The following OPHN1 variants were observed in gnomAD, a reference collection of about 807,000 sequenced individuals.
The protein encoded by OPHN1 is oligophrenin 1, also known as oligophrenin-1.
Under a neutral mutation model 60.7 loss-of-function variants are expected in OPHN1, and 11 were observed. The observed-to-expected ratio is 0.18, with a 90% CI of 0.11 to 0.30. The LOEUF (loss-of-function observed/expected upper bound fraction) is 0.30. Among genes scored for constraint, OPHN1 ranks in the 10% least tolerant of loss-of-function variants. The probability of loss-of-function intolerance (pLI) is 1.00; values close to 1 mark genes in which losing one functional copy is unlikely to be tolerated. For synonymous variants in OPHN1, 226 were observed against 222.6 expected, an observed-to-expected ratio of 1.02 and a Z score of -0.14; for missense variants, 449 against 611.0, an observed-to-expected ratio of 0.73 and a Z score of 2.80.
chrX:68,428,339 T>G (rs1160930954), intron 2 of OPHN1, among the ~76,000 whole-genome samples: 2 of 112,319 alleles, frequency 1.8e-5, no homozygotes, highest in Non-Finnish European at 3.8e-5. Flanking sequence ...TGTTATTAAT[T>G]CTACCCAACT....
intron 3 of OPHN1, among the ~76,000 whole-genome samples, chrX:68,286,752 A>T (rs2078042761): frequency 9.0e-6 from 1 of 111,671 alleles, no homozygotes; most frequent in African/African-American, 3.3e-5. Flanking sequence ...GTGGTGGCTC[A>T]CACCTGTAAT....
chrX:68,152,553 C>A (rs976919117), intron 15 of OPHN1, among the ~76,000 whole-genome samples: 1 of 109,314 alleles, frequency 9.1e-6, no homozygotes, highest in Non-Finnish European at 1.9e-5. Context: ...AGGTGATCCT[C>A]CCACCTCAGA....
chrX:68,340,455 G>A (rs986141663), intron 2 of OPHN1, among the ~76,000 whole-genome samples: 1 of 111,891 alleles, frequency 8.9e-6, no homozygotes, highest in African/African-American at 3.2e-5. Context: ...ACAATTCAGT[G>A]GAGAGAGAAC....
At chrX:68,208,840 G>C (rs1470624255) in intron 9 of OPHN1, among the ~76,000 whole-genome samples, 2 of 111,741 alleles carry the variant, frequency 1.8e-5, no homozygotes, top group African/African-American at 6.5e-5. Flanking sequence ...GGAGGCCAGG[G>C]ATGCTTCTAA....
intron 20 of OPHN1, chrX:68,071,811 C>T (rs1287536430): frequency 1.3e-5 from 5 of 393,816 alleles, no homozygotes; most frequent in African/African-American, 5.1e-5. Flanking sequence ...GTAAGGGAGC[C>T]GGCTGCTGAT....
chrX:68,372,453 G>T (rs1384308661), intron 2 of OPHN1, among the ~76,000 whole-genome samples: 4 of 111,174 alleles, frequency 3.6e-5, no homozygotes, highest in Non-Finnish European at 7.5e-5. Flanking sequence ...CTATGCTCTT[G>T]ACCACTGTGT....
At chrX:68,155,762 C>T (rs2077306768) in intron 15 of OPHN1, among the ~76,000 whole-genome samples, 1 of 111,657 alleles carries the variant, frequency 9.0e-6, no homozygotes, top group Non-Finnish European at 1.9e-5. Context: ...ACTAGAAAAC[C>T]CAACCTGATA....
At chrX:68,254,046 A>G (rs2077849291) in intron 5 of OPHN1, among the ~76,000 whole-genome samples, 1 of 111,508 alleles carries the variant, frequency 9.0e-6, no homozygotes, top group Admixed American at 9.6e-5. Context: ...AACATCTATT[A>G]CATGTTTCTC....
At chrX:68,287,750 T>C (rs2078051926) in intron 3 of OPHN1, among the ~76,000 whole-genome samples, 1 of 112,331 alleles carries the variant, frequency 8.9e-6, no homozygotes, top group African/African-American at 3.2e-5. Context: ...CTCAGTGTTT[T>C]CTCAACTATT....
intron 15 of OPHN1, chrX:68,133,474 A>G: frequency 3.8e-6 from 2 of 532,339 alleles, no homozygotes; most frequent in Admixed American, 4.7e-5. Context: ...ACCAGGTTTA[A>G]CCTCAAGAGA....
chrX:68,178,652 C>A (rs779885934), intron 15 of OPHN1, among the ~76,000 whole-genome samples: 3 of 111,919 alleles, frequency 2.7e-5, no homozygotes, highest in Non-Finnish European at 5.6e-5. Context: ...GATCCACCCA[C>A]CTCGGCCTCC....
At chrX:68,137,923 C>T (rs111578421) in intron 15 of OPHN1, among the ~76,000 whole-genome samples, 6,515 of 111,432 alleles carry the variant, frequency 0.058, 521 homozygotes, top group African/African-American at 0.2. Context: ...GAGACACACA[C>T]ACAATATTAT....
intron 5 of OPHN1, among the ~76,000 whole-genome samples, chrX:68,263,806 G>C (rs1050099626): frequency 1.8e-5 from 2 of 111,253 alleles, no homozygotes; most frequent in East Asian, 5.6e-4. Flanking sequence ...ATGTTTAGTA[G>C]TCACATTTCA....
intron 2 of OPHN1, among the ~76,000 whole-genome samples, chrX:68,300,095 G>A (rs1163799184): frequency 8.9e-6 from 1 of 112,153 alleles, no homozygotes; most frequent in African/African-American, 3.2e-5. Flanking sequence ...GTTAGACCAT[G>A]TTCTAGGAAA....
intron 4 of OPHN1, among the ~76,000 whole-genome samples, chrX:68,278,561 C>G (rs1415809088): frequency 8.8e-6 from 1 of 113,100 alleles, no homozygotes; most frequent in African/African-American, 3.2e-5. Context: ...CAGGACTGCT[C>G]AGGAATCTTT....
intron 18 of OPHN1, among the ~76,000 whole-genome samples, chrX:68,106,472 T>C (rs988427940): frequency 7.2e-5 from 8 of 111,430 alleles, no homozygotes; most frequent in Non-Finnish European, 1.5e-4. Context: ...TCATTTGAGT[T>C]TGCAGAACAG....
rs190684893 is a variant in OPHN1 at position 68,396,327 on chromosome X, G to A, written c.154+36540C>T. ...CGCCTGTGGTCCCAGCTACTTGGAA[G>A]GCTGATGTGGGAGGGTCGCTTGAGC... On this transcript the variant is annotated intron_variant, in intron 2 of 24. Coordinates refer to ENST00000355520, the MANE Select transcript of OPHN1 (RefSeq NM_002547.3). 2.7e-3 allele frequency among the ~76,000 whole-genome samples: 266 copies of A among 99,934 alleles called. 2 individuals carry two copies. Among genetic ancestry groups the A allele is most frequent in the African/African-American group, 9.3e-3 (255 of 27,516 alleles). 86.8% of individuals were successfully genotyped at this position (99,934 alleles called of 115,157 possible).
chrX:68,370,264 T>A, intron 2 of OPHN1, among the ~76,000 whole-genome samples: 1 of 108,971 alleles, frequency 9.2e-6, no homozygotes. Context: ...TGGAAGGTGA[T>A]CCCAGCCAAG....
At chrX:68,326,938 G>A in intron 2 of OPHN1, among the ~76,000 whole-genome samples, 1 of 15,498 alleles carries the variant, frequency 6.5e-5, no homozygotes. Context: ...CAGCCGCCCC[G>A]TCCGGGAGGT....
Sources: allele counts gnomAD v4.1 joint callset (sites outside exome capture counted in the v4.1 genomes callset), GRCh38; gene constraint gnomAD v4.1.1; transcripts MANE v1.5; gene names NCBI Gene and HGNC (gene_info 2026-07-23, HGNC 2026-07-21).